ABAT: variants seen among roughly 807,000 people sequenced by gnomAD.
The protein encoded by ABAT is 4-aminobutyrate aminotransferase.
Under a neutral mutation model 64.6 loss-of-function variants are expected in ABAT, and 45 were observed. The ratio of observed to expected loss-of-function variants is 0.70; its 90% CI spans 0.55 to 0.89. The LOEUF is 0.89. Among genes scored for constraint, ABAT ranks in the 40% least tolerant of loss-of-function variants. The pLI is 0.00. For missense variants in ABAT, 633 were observed against 658.4 expected (o/e 0.96, Z 0.42); for synonymous variants, 297 against 250.5 (o/e 1.19, Z -1.75).
chr16:8,780,582 C>A (rs943040632), intron 15 of ABAT: 2 of 156,698 alleles, frequency 1.3e-5, no homozygotes, highest in African/African-American at 2.4e-5. Flanking sequence ...GCCAACGGGG[C>A]AAAACCTCAT....
At chr16:8,758,504 G>A (rs747728927) in intron 6 of ABAT, among the ~76,000 whole-genome samples, 43 of 152,232 alleles carry the variant, frequency 2.8e-4, no homozygotes, top group Non-Finnish European at 4.7e-4. Context: ...TAGCAGCAGG[G>A]CACAGGGTTT....
intron 2 of ABAT, among the ~76,000 whole-genome samples, chr16:8,744,795 G>A (rs2059282841): frequency 6.6e-6 from 1 of 151,914 alleles, no homozygotes; most frequent in Non-Finnish European, 1.5e-5. Flanking sequence ...TTGAACCTGG[G>A]AAGCAGATGT....
At chr16:8,686,447 A>T (rs577037122) in intron 1 of ABAT, among the ~76,000 whole-genome samples, 59 of 152,210 alleles carry the variant, frequency 3.9e-4, no homozygotes, top group Middle Eastern at 3.4e-3. Context: ...CATGCAGAGA[A>T]CCCTGGACAG....
At chr16:8,751,308 G>A (rs113460019) in intron 5 of ABAT, among the ~76,000 whole-genome samples, 3,114 of 152,044 alleles carry the variant, frequency 0.02, 112 homozygotes, top group African/African-American at 0.07. Flanking sequence ...GGCTGGTCTC[G>A]AACTCCTGGA....
chr16:8,696,983 CTG>C (rs1342365059), intron 1 of ABAT, among the ~76,000 whole-genome samples: 6 of 152,170 alleles, frequency 3.9e-5, no homozygotes. Flanking sequence ...TGCGCGTCGA[CTG>C]TGAAATCAAG....
intron 1 of ABAT, among the ~76,000 whole-genome samples, chr16:8,733,298 A>T (rs1290095759): frequency 1.4e-5 from 2 of 147,548 alleles, no homozygotes; most frequent in African/African-American, 2.6e-5. Context: ...GGTGGTCCTC[A>T]CTTCCTAGGT....
At chr16:8,683,787 T>G (rs35896679) in intron 1 of ABAT, among the ~76,000 whole-genome samples, 89,043 of 151,630 alleles carry the variant, frequency 0.59, 26,520 homozygotes, top group East Asian at 0.77. Context: ...GTCTGGTATC[T>G]ATAGTATTGA....
chr16:8,759,142 C>T (rs1193841715), intron 6 of ABAT, among the ~76,000 whole-genome samples: 4 of 152,024 alleles, frequency 2.6e-5, no homozygotes, highest in Admixed American at 1.3e-4. Context: ...AAAAGTACAA[C>T]ACCCATGCAG....
rs1596415389 is a variant in ABAT, at chr16:8,718,530, C to T, written c.-41-17169C>T. 2.6e-5 allele frequency among the ~76,000 whole-genome samples: 4 copies of T among 152,240 alleles called. No individual in the cohort carries two copies. The Middle Eastern group carries it at 0.014, about 518-fold the overall frequency. ...AGGGCTGAAACTCCATGATTGAATT[C>T]AACAAGTGTTTTTGAGCACCTACAA... On this transcript the variant is annotated intron_variant, in intron 1 of 15. Transcript: ENST00000268251.
In ABAT at chr16:8,776,899, A is replaced by G. The variant is rs2060280903; in HGVS notation, c.1269+409A>G. Among the ~76,000 whole-genome samples, 1 of 149,898 alleles carries G rather than the reference A, an allele frequency of 6.7e-6. No individual in the cohort carries two copies. Among genetic ancestry groups the G allele is most frequent in the African/African-American group, 2.5e-5 (1 of 40,668 alleles). ...TTTCTTATTTATTTTATTTTATTTTATTTGTCTATTTATTTTTTGAGACCA... is the reference window on the plus strand; with the variant it reads ...TTTCTTATTTATTTTATTTTATTTTGTTTGTCTATTTATTTTTTGAGACCA... On this transcript the variant is annotated intron_variant, in intron 14 of 15. Transcript: ENST00000268251. This position sits in a 1 kb window ranked among gnomAD's most constrained non-coding sequence, Gnocchi z 4.4.
At chr16:8,733,468 G>A (rs1485397878) in intron 1 of ABAT, among the ~76,000 whole-genome samples, 1 of 151,858 alleles carries the variant, frequency 6.6e-6, no homozygotes, top group Non-Finnish European at 1.5e-5. Context: ...CACTTTGGGA[G>A]GCCAAGGCAG....
chr16:8,750,872 G>T (rs2059460464), intron 5 of ABAT, among the ~76,000 whole-genome samples: 1 of 151,814 alleles, frequency 6.6e-6, no homozygotes, highest in Non-Finnish European at 1.5e-5. Context: ...GACCACAGTG[G>T]CACCCAGGTA....
intron 2 of ABAT, among the ~76,000 whole-genome samples, chr16:8,740,775 T>C (rs1641002): frequency 0.8 from 122,252 of 152,246 alleles, 49,519 homozygotes; most frequent in Middle Eastern, 0.87. Flanking sequence ...AAATTGTTAT[T>C]GCTGGGTAGA....
chr16:8,777,246 A>C (rs1230113037), intron 14 of ABAT, among the ~76,000 whole-genome samples: 2 of 149,906 alleles, frequency 1.3e-5, no homozygotes, highest in East Asian at 2.0e-4. Context: ...CCCCTTTGAG[A>C]GTCCCCCAAG....
At position 8,778,301 on chromosome 16, in the gene ABAT, T is replaced by C. The variant is rs369592936; in HGVS notation, c.1270-1178T>C. The stretch of plus-strand genomic sequence containing the variant: ...GTCTGAAATCAAGGTTTCAGCAGAG[T>C]TGGCTCCTTCTCGAGGCTCTGGGGG... On this transcript the variant is annotated intron_variant, in intron 14 of 15. Transcript: ENST00000268251. Among the ~76,000 whole-genome samples, 90 of 152,224 alleles carry C rather than the reference T, an allele frequency of 5.9e-4. 4 individuals carry two copies. The South Asian group carries it at 0.018, about 30-fold the overall frequency.
intron 6 of ABAT, among the ~76,000 whole-genome samples, chr16:8,758,307 G>T (rs528155749): frequency 6.6e-6 from 1 of 152,344 alleles, no homozygotes; most frequent in East Asian, 1.9e-4. Context: ...GCTATTTGGG[G>T]ATGGAGAGGG....
At chr16:8,694,775 A>G (rs1012423116) in intron 1 of ABAT, among the ~76,000 whole-genome samples, 1 of 152,172 alleles carries the variant, frequency 6.6e-6, no homozygotes, top group South Asian at 2.1e-4. Context: ...GTCAGTCATG[A>G]TGGGTGCATT....
At chr16:8,735,658 G>T in intron 1 of ABAT, 41 bp from the exon 2 acceptor site, 1 of 1,490,360 alleles carries the variant, frequency 6.7e-7, no homozygotes. Context: ...AGAGGGGAGT[G>T]GTCTTCATGG....
intron 2 of ABAT, chr16:8,736,055 G>A (rs2058920125): frequency 2.0e-6 from 1 of 502,008 alleles, no homozygotes; most frequent in South Asian, 2.1e-5. Context: ...TCACAATCAT[G>A]GCGGAAGGTG....
Sources: allele counts gnomAD v4.1 joint callset (sites outside exome capture counted in the v4.1 genomes callset), GRCh38; gene constraint gnomAD v4.1.1; non-coding constraint Gnocchi (gnomAD v3.1); transcripts MANE v1.5; gene names NCBI Gene and HGNC (gene_info 2026-07-23, HGNC 2026-07-21).